The following FTCDNL1 variants were observed in gnomAD, a reference collection of about 807,000 sequenced individuals.
FTCDNL1 encodes the protein formiminotransferase N-terminal subdomain-containing protein.
FTCDNL1 carries 11 observed loss-of-function variants against 5.9 expected under a neutral mutation model. That is an observed-to-expected ratio of 1.87 (90% CI 1.18 to 3.10). The LOEUF (loss-of-function observed/expected upper bound fraction) is 3.10. Among genes scored for constraint, FTCDNL1 ranks in the 30% most tolerant of loss-of-function variants. FTCDNL1 has a pLI of 0.00. For missense variants in FTCDNL1, 115 were observed against 65.5 expected, an observed-to-expected ratio of 1.76 and a Z score of -2.61; for synonymous variants, 58 against 24.8, an observed-to-expected ratio of 2.34 and a Z score of -3.99.
the FTCDNL1 span, among the ~76,000 whole-genome samples, chr2:199,708,596 G>T: frequency 6.6e-6 from 1 of 152,090 alleles, no homozygotes; most frequent in Non-Finnish European, 1.5e-5. Context: ...CTCAGTCTTT[G>T]TTATGTAGGC....
chr2:199,842,224 C>T (rs754830880), intron 3 of FTCDNL1, among the ~76,000 whole-genome samples: 2 of 152,184 alleles, frequency 1.3e-5, no homozygotes, highest in South Asian at 2.1e-4. Flanking sequence ...GCTGAGATTG[C>T]ACCACTGTAC....
At chr2:199,734,799 A>T in the FTCDNL1 span, among the ~76,000 whole-genome samples, 2 of 152,238 alleles carry the variant, frequency 1.3e-5, no homozygotes, top group Non-Finnish European at 1.5e-5. Flanking sequence ...CCAGACAATG[A>T]AAGAACTCCA....
At chr2:199,733,906 A>G in the FTCDNL1 span, among the ~76,000 whole-genome samples, 1 of 150,788 alleles carries the variant, frequency 6.6e-6, no homozygotes, top group Non-Finnish European at 1.5e-5. Flanking sequence ...ATTCATTTTT[A>G]TTGCATTTTA....
chr2:199,664,932 G>C, the FTCDNL1 span, among the ~76,000 whole-genome samples: 2 of 151,980 alleles, frequency 1.3e-5, no homozygotes, highest in African/African-American at 2.4e-5. Flanking sequence ...GGCCCAATTC[G>C]CCATATAATC....
chr2:199,791,166 A>C (rs1368160381), intron 3 of FTCDNL1, among the ~76,000 whole-genome samples: 1 of 152,184 alleles, frequency 6.6e-6, no homozygotes, highest in Non-Finnish European at 1.5e-5. Flanking sequence ...GCTTATAAAA[A>C]TCCTGCTTTA....
intron 3 of FTCDNL1, among the ~76,000 whole-genome samples, chr2:199,844,219 A>G (rs1210746819): frequency 6.6e-6 from 1 of 152,052 alleles, no homozygotes; most frequent in Non-Finnish European, 1.5e-5. Context: ...TGGGGTAGGA[A>G]GTGGAGGGGT....
chr2:199,752,846 GAC>G, the FTCDNL1 span, among the ~76,000 whole-genome samples: 2 of 149,628 alleles, frequency 1.3e-5, no homozygotes, highest in African/African-American at 5.1e-5. Flanking sequence ...GAGAGAGAGA[GAC>G]AGACAATGAG....
At chr2:199,714,837 C>A in the FTCDNL1 span, among the ~76,000 whole-genome samples, 1 of 150,412 alleles carries the variant, frequency 6.6e-6, no homozygotes, top group Non-Finnish European at 1.5e-5. Context: ...AGCAAACTAC[C>A]GCAAGGAAAA....
the FTCDNL1 span, among the ~76,000 whole-genome samples, chr2:199,677,924 T>C: frequency 6.6e-6 from 1 of 152,206 alleles, no homozygotes; most frequent in East Asian, 1.9e-4. Flanking sequence ...AAAATTATTT[T>C]CAAAACTTAA....
the FTCDNL1 span, among the ~76,000 whole-genome samples, chr2:199,701,298 TTAAAAAAAAAAAAAAAAAAAAAAAAAAAA>T: frequency 1.4e-5 from 1 of 69,236 alleles, no homozygotes; most frequent in Admixed American, 2.1e-4. Flanking sequence ...ACTTGAAAGT[TTAAAAAAAAAAAAAAAAAAAAAAAAAAAA>T]AAAAAAAAAA....
chr2:199,767,088 T>C (rs1698573831), intron 3 of FTCDNL1, among the ~76,000 whole-genome samples: 1 of 152,192 alleles, frequency 6.6e-6, no homozygotes, highest in African/African-American at 2.4e-5. Flanking sequence ...AAGATGACAA[T>C]GCCAGGGTGA....
At chr2:199,794,083 C>A (rs1700061891) in intron 3 of FTCDNL1, among the ~76,000 whole-genome samples, 1 of 152,164 alleles carries the variant, frequency 6.6e-6, no homozygotes, top group Admixed American at 6.5e-5. Flanking sequence ...CTCTAAATTT[C>A]ATCATTGAAA....
the FTCDNL1 span, among the ~76,000 whole-genome samples, chr2:199,747,372 C>T: frequency 0.014 from 2,138 of 152,138 alleles, 40 homozygotes; most frequent in African/African-American, 0.049. Flanking sequence ...ATTTTTGCGG[C>T]CTGGAGTAAT....
At chr2:199,796,884 A>G (rs1333341745) in intron 3 of FTCDNL1, among the ~76,000 whole-genome samples, 1 of 152,206 alleles carries the variant, frequency 6.6e-6, no homozygotes, top group Non-Finnish European at 1.5e-5. Context: ...AACTGTATTA[A>G]GTTGTAGGAC....
chr2:199,847,568 G>T (rs2076764755), intron 2 of FTCDNL1, among the ~76,000 whole-genome samples: 1 of 152,192 alleles, frequency 6.6e-6, no homozygotes, highest in Non-Finnish European at 1.5e-5. Context: ...ATTACTGCTG[G>T]CAAGAGGAGC....
At chr2:199,752,455 A>C in the FTCDNL1 span, among the ~76,000 whole-genome samples, 2 of 152,136 alleles carry the variant, frequency 1.3e-5, no homozygotes, top group African/African-American at 4.8e-5. Flanking sequence ...TTTACATTTA[A>C]ATCAGTGGAC....
intron 3 of FTCDNL1, among the ~76,000 whole-genome samples, chr2:199,821,497 C>T (rs1701688497): frequency 6.6e-6 from 1 of 150,576 alleles, no homozygotes. Context: ...TGGAGTTTCA[C>T]GCTGTCGCCC....
intron 3 of FTCDNL1, among the ~76,000 whole-genome samples, chr2:199,824,417 T>C (rs1292233014): frequency 6.6e-6 from 1 of 152,348 alleles, no homozygotes; most frequent in East Asian, 1.9e-4. Context: ...ATATCAGCAA[T>C]AAAGCTGTGT....
the FTCDNL1 span, among the ~76,000 whole-genome samples, chr2:199,747,670 T>C: frequency 1.2e-4 from 18 of 152,268 alleles, no homozygotes; most frequent in East Asian, 3.5e-3. Context: ...TCGCATCGTT[T>C]ATGATTTGCA....
Sources: gnomAD v4.1 joint callset for allele counts (sites outside exome capture counted in the v4.1 genomes callset) on GRCh38, gnomAD v4.1.1 for gene constraint, MANE v1.5 for transcripts, NCBI Gene and HGNC (gene_info 2026-07-23, HGNC 2026-07-21) for gene names.